Variants in DNAJC12 observed in about 807,000 individuals in gnomAD.
DNAJC12 encodes DnaJ heat shock protein family (Hsp40) member C12, also known as dnaJ homolog subfamily C member 12.
Under a neutral mutation model 28.5 loss-of-function variants are expected in DNAJC12, and 25 were observed. The ratio of observed to expected loss-of-function variants is 0.88; its 90% CI spans 0.64 to 1.22. The LOEUF (loss-of-function observed/expected upper bound fraction) is 1.22. Among genes scored for constraint, DNAJC12 ranks in the 50% most tolerant of loss-of-function variants. The probability of loss-of-function intolerance (pLI) is 0.00; values close to 1 mark genes in which losing one functional copy is unlikely to be tolerated. For missense variants in DNAJC12, 222 were observed against 231.7 expected (o/e 0.96, Z 0.27); for synonymous variants, 77 against 80.6 (o/e 0.95, Z 0.24).
intron 2 of DNAJC12, among the ~76,000 whole-genome samples, chr10:67,817,032 T>C (rs1474978238): frequency 6.6e-6 from 1 of 151,460 alleles, no homozygotes; most frequent in Non-Finnish European, 1.5e-5. Flanking sequence ...GGATTTCTGG[T>C]GGCCTTAGAT....
chr10:67,830,874 A>G (rs375627819), intron 1 of DNAJC12, among the ~76,000 whole-genome samples: 1 of 152,112 alleles, frequency 6.6e-6, no homozygotes, highest in African/African-American at 2.4e-5. Flanking sequence ...CTCCAAATAC[A>G]TACAAAAATA....
intron 3 of DNAJC12, among the ~76,000 whole-genome samples, chr10:67,807,322 A>G (rs1841813520): frequency 6.6e-6 from 1 of 152,170 alleles, no homozygotes; most frequent in African/African-American, 2.4e-5. Flanking sequence ...AAAAACATAC[A>G]AGGTGGGAGA....
intron 2 of DNAJC12, among the ~76,000 whole-genome samples, chr10:67,812,669 C>T (rs1027867898): frequency 6.7e-6 from 1 of 149,638 alleles, no homozygotes; most frequent in Non-Finnish European, 1.5e-5. Context: ...ATGGTGAAAC[C>T]CCATCTCTGC....
At chr10:67,818,297 A>C (rs945258778) in intron 2 of DNAJC12, among the ~76,000 whole-genome samples, 4 of 152,214 alleles carry the variant, frequency 2.6e-5, no homozygotes, top group Non-Finnish European at 4.4e-5. Flanking sequence ...ATTAATGAAA[A>C]CTGAGTAAAC....
At chr10:67,817,985 T>G (rs921053985) in intron 2 of DNAJC12, among the ~76,000 whole-genome samples, 3 of 152,162 alleles carry the variant, frequency 2.0e-5, no homozygotes, top group Non-Finnish European at 4.4e-5. Flanking sequence ...GGCAGACTAC[T>G]TGAGTCCAGG....
At chr10:67,837,327 A>G (rs1266228333) in intron 1 of DNAJC12, among the ~76,000 whole-genome samples, 1 of 152,142 alleles carries the variant, frequency 6.6e-6, no homozygotes, top group Non-Finnish European at 1.5e-5. Context: ...CAACCTTTAT[A>G]ATTGTTTATT....
chr10:67,833,587 G>T (rs1842114827), intron 1 of DNAJC12, among the ~76,000 whole-genome samples: 1 of 152,060 alleles, frequency 6.6e-6, no homozygotes. Flanking sequence ...ACAAAAAAAT[G>T]TTTGCTGGAC....
At chr10:67,808,211 T>C (rs1423964496) in intron 3 of DNAJC12, among the ~76,000 whole-genome samples, 4 of 152,140 alleles carry the variant, frequency 2.6e-5, no homozygotes, top group African/African-American at 7.2e-5. Flanking sequence ...ATAAAAGATA[T>C]CAAATGACAG....
intron 2 of DNAJC12, among the ~76,000 whole-genome samples, chr10:67,818,631 G>T (rs549694669): frequency 1.3e-4 from 19 of 151,980 alleles, no homozygotes; most frequent in Middle Eastern, 3.4e-3. Flanking sequence ...GGGTGGTGGT[G>T]GTTTTTAAGT....
chr10:67,816,054 G>T, intron 2 of DNAJC12: 1 of 398,502 alleles, frequency 2.5e-6, no homozygotes, highest in Non-Finnish European at 4.4e-6. Context: ...TCTGGGAAGA[G>T]AGATCTCATT....
intron 3 of DNAJC12, among the ~76,000 whole-genome samples, chr10:67,809,779 C>G (rs1425075192): frequency 6.6e-6 from 1 of 152,076 alleles, no homozygotes; most frequent in East Asian, 1.9e-4. Flanking sequence ...TAAATGGGAG[C>G]TAAGCTACGG....
At chr10:67,807,461 A>G (rs902426389) in intron 3 of DNAJC12, among the ~76,000 whole-genome samples, 1 of 152,090 alleles carries the variant, frequency 6.6e-6, no homozygotes, top group African/African-American at 2.4e-5. Context: ...AAAAACGTTA[A>G]TTTTTAAAAG....
intron 1 of DNAJC12, chr10:67,833,781 G>A (rs1842116879): frequency 6.1e-6 from 3 of 489,746 alleles, no homozygotes; most frequent in Non-Finnish European, 1.3e-5. Flanking sequence ...TACAATGGTA[G>A]CAGTTGGACT....
At chr10:67,806,206 T>G (rs930529780) in intron 3 of DNAJC12, among the ~76,000 whole-genome samples, 2 of 152,166 alleles carry the variant, frequency 1.3e-5, no homozygotes, top group African/African-American at 4.8e-5. Flanking sequence ...TCTTAAAACC[T>G]CATCGGGATA....
At chr10:67,817,473 A>C (rs920208654) in intron 2 of DNAJC12, among the ~76,000 whole-genome samples, 4 of 152,234 alleles carry the variant, frequency 2.6e-5, no homozygotes, top group Non-Finnish European at 5.9e-5. Context: ...TATCCTACCC[A>C]AAGTTCCTCT....
intron 4 of DNAJC12, among the ~76,000 whole-genome samples, chr10:67,804,511 A>G (rs113987974): frequency 0.023 from 3,438 of 152,256 alleles, 136 homozygotes; most frequent in African/African-American, 0.078. Context: ...CAGGTGCACA[A>G]CAATGCACCT....
intron 3 of DNAJC12, 95 bp downstream of exon 3, chr10:67,811,429 C>T (rs1278236956): frequency 3.9e-5 from 60 of 1,558,278 alleles, no homozygotes; most frequent in Non-Finnish European, 5.1e-5. Context: ...TTTTCTCCCT[C>T]CTATCGCCTA....
At chr10:67,823,036 T>C (rs1054736963) in intron 2 of DNAJC12, among the ~76,000 whole-genome samples, 1 of 151,488 alleles carries the variant, frequency 6.6e-6, no homozygotes, top group South Asian at 2.1e-4. Flanking sequence ...ACTTAAGTTA[T>C]GTTAACACTC....
intron 3 of DNAJC12, chr10:67,811,163 TA>T: frequency 2.1e-6 from 1 of 479,086 alleles, no homozygotes; most frequent in Non-Finnish European, 2.8e-6. Flanking sequence ...TGACATAAAC[TA>T]AAAAGATGGA....
Sources: allele counts gnomAD v4.1 joint callset (sites outside exome capture counted in the v4.1 genomes callset), GRCh38; gene constraint gnomAD v4.1.1; transcripts MANE v1.5; gene names NCBI Gene and HGNC (gene_info 2026-07-23, HGNC 2026-07-21).